CREB5: variants seen among roughly 807,000 people sequenced by gnomAD.
CREB5 encodes cAMP responsive element binding protein 5, also known as cyclic AMP-responsive element-binding protein 5.
CREB5 carries 19 observed loss-of-function variants against 57.1 expected under a neutral mutation model. The observed-to-expected ratio is 0.33, with a 90% CI of 0.23 to 0.49. The LOEUF is 0.49. Among genes scored for constraint, CREB5 ranks in the 20% least tolerant of loss-of-function variants. The probability of loss-of-function intolerance (pLI) is 0.99; values close to 1 mark genes in which losing one functional copy is unlikely to be tolerated. For synonymous variants in CREB5, 238 were observed against 238.3 expected (o/e 1.00, Z 0.01); for missense variants, 579 against 671.6 (o/e 0.86, Z 1.52).
Position 28,446,244 on chromosome 7 carries a change from C to T in CREB5, c.3+33327C>T, listed in dbSNP as rs995880812. 2.6e-5 allele frequency among the ~76,000 whole-genome samples: 4 copies of T among 152,138 alleles called. No homozygotes were observed. In the East Asian group the frequency reaches 7.7e-4, roughly 29 times the overall value. The stretch of plus-strand genomic sequence containing the variant: ...TCCCCCACACTCATCTCCTGCCTCC[C>T]CAGCTCCAGGAAGCTATACACAAAC... On this transcript the variant is annotated intron_variant, in intron 1 of 10. Transcript: ENST00000357727.
chr7:28,550,473 T>C (rs1454888570), intron 4 of CREB5, among the ~76,000 whole-genome samples: 1 of 152,218 alleles, frequency 6.6e-6, no homozygotes, highest in African/African-American at 2.4e-5. Flanking sequence ...ATGGCCACCA[T>C]TGCCAATTCC....
intron 5 of CREB5, among the ~76,000 whole-genome samples, chr7:28,663,968 C>T (rs979575116): frequency 2.0e-5 from 3 of 152,198 alleles, no homozygotes; most frequent in African/African-American, 7.2e-5. Flanking sequence ...GCTTCTCAAA[C>T]TTAGCATGCA....
At chr7:28,744,892 A>G (rs1225815117) in intron 7 of CREB5, among the ~76,000 whole-genome samples, 1 of 152,234 alleles carries the variant, frequency 6.6e-6, no homozygotes, top group Non-Finnish European at 1.5e-5. Flanking sequence ...AAGGATCTGT[A>G]AAGCCTAACT....
intron 1 of CREB5, among the ~76,000 whole-genome samples, chr7:28,456,285 A>T (rs1790091250): frequency 1.3e-5 from 2 of 152,196 alleles, no homozygotes; most frequent in Admixed American, 6.5e-5. Context: ...AGTGCAAGTT[A>T]CAAATCTGTG....
At position 28,723,065 on chromosome 7, in the gene CREB5, A is replaced by G. The variant is rs77668861; in HGVS notation, c.592-1157A>G. Among the ~76,000 whole-genome samples, 1,424 of 152,140 alleles carry G rather than the reference A, an allele frequency of 9.4e-3. 35 individuals are homozygous for G. The highest frequency in any genetic ancestry group is 0.032 in the African/African-American group (1,328 of 41,500). On this transcript the variant is annotated intron_variant, in intron 6 of 10. Coordinates refer to ENST00000357727, the MANE Select transcript of CREB5 (RefSeq NM_182898.4). ...CTTTGAACACCTCCAATAGCAAGCA[A>G]CTCCGTATTTTCCAAGACTACCTAG...
intron 7 of CREB5, among the ~76,000 whole-genome samples, chr7:28,737,538 CGTATATATATATATATATATAT>C (rs1398919992): frequency 4.1e-3 from 197 of 47,920 alleles, no homozygotes; most frequent in Middle Eastern, 0.014. Context: ...TATATATATA[CGTATATATATATATATATATAT>C]ATATATATAT....
chr7:28,822,474 T>C lies in CREB5; in HGVS notation c.*3195T>C, dbSNP rs1227816994. On this transcript the variant is annotated 3_prime_UTR_variant, in exon 11 of 11. Coordinates refer to ENST00000357727, the MANE Select transcript of CREB5 (RefSeq NM_182898.4). ...AGCCAGTTACTGGGTCACCCATCCA[T>C]GTGTTCATGAATCAATCATCACGGC... is the stretch of plus-strand genomic sequence containing the variant. 6.6e-6 allele frequency: 1 copy of C among 152,662 alleles called. No individual in the cohort carries two copies. Among genetic ancestry groups the C allele is most frequent in the Non-Finnish European group, 1.5e-5 (1 of 68,084 alleles). The allele number at this position is 152,662 out of a possible 1,614,324, so 9.5% of individuals were successfully genotyped here.
Position 28,822,098 on chromosome 7 carries a change from G to GT in CREB5, c.*2825dup, listed in dbSNP as rs1402843083. On this transcript the variant is annotated 3_prime_UTR_variant, in exon 11 of 11. Transcript: ENST00000357727. ...CATTATATATAGCTCAATTATGTCTGTTTTTTATGCTAAGTAGGAAAACCA... is the reference window on the plus strand; with the variant it reads ...CATTATATATAGCTCAATTATGTCTGTTTTTTTATGCTAAGTAGGAAAACCA... 6.6e-6 allele frequency: 1 copy of GT among 152,256 alleles called. No homozygotes were observed. Among genetic ancestry groups the GT allele is most frequent in the African/African-American group, 2.4e-5 (1 of 41,444 alleles). The allele number at this position is 152,256 out of a possible 1,614,324, so 9.4% of individuals were successfully genotyped here. A position where few individuals can be genotyped will look rare whatever the true frequency, so the allele number is the denominator to read the frequency against.
At chr7:28,430,475 C>A (rs2128016837) in intron 1 of CREB5, among the ~76,000 whole-genome samples, 1 of 152,206 alleles carries the variant, frequency 6.6e-6, no homozygotes, top group Non-Finnish European at 1.5e-5. Flanking sequence ...AGTCGATGGC[C>A]ATGAATGTGA....
chr7:28,361,176 A>G (rs1786470190), intron 1 of CREB5, among the ~76,000 whole-genome samples: 1 of 152,162 alleles, frequency 6.6e-6, no homozygotes, highest in Non-Finnish European at 1.5e-5. Flanking sequence ...TATTGCACGG[A>G]GGTTGAATAA....
intron 1 of CREB5, among the ~76,000 whole-genome samples, chr7:28,323,180 C>A (rs753558689): frequency 1.4e-4 from 21 of 152,156 alleles, no homozygotes; most frequent in Admixed American, 2.6e-4. Context: ...CTGGGAGAGC[C>A]CCAATCCTGG....
intron 6 of CREB5, among the ~76,000 whole-genome samples, chr7:28,723,683 C>T (rs376351986): frequency 3.0e-4 from 46 of 152,208 alleles, no homozygotes; most frequent in African/African-American, 1.1e-3. Flanking sequence ...GAGAGTGTTG[C>T]TTTTAAAACT....
At chr7:28,357,188 C>T (rs1472811473) in intron 1 of CREB5, among the ~76,000 whole-genome samples, 3 of 152,164 alleles carry the variant, frequency 2.0e-5, no homozygotes, top group African/African-American at 7.2e-5. Context: ...GTGTTGCTGG[C>T]TTCTTAAATC....
At chr7:28,616,509 A>G (rs1389642096) in intron 5 of CREB5, among the ~76,000 whole-genome samples, 1 of 152,058 alleles carries the variant, frequency 6.6e-6, no homozygotes, top group Non-Finnish European at 1.5e-5. Flanking sequence ...ACTATAGGAA[A>G]TAAAACCTCA....
chr7:28,463,221 C>T (rs768582186), intron 1 of CREB5, among the ~76,000 whole-genome samples: 3 of 152,036 alleles, frequency 2.0e-5, no homozygotes, highest in Non-Finnish European at 4.4e-5. Flanking sequence ...TGGCATCCTT[C>T]TTGAAAATCT....
chr7:28,320,553 A>G (rs1300949790), intron 1 of CREB5, among the ~76,000 whole-genome samples: 1 of 152,190 alleles, frequency 6.6e-6, no homozygotes, highest in African/African-American at 2.4e-5. Context: ...CCTGTGTTAC[A>G]TAAAGATCTA....
At chr7:28,406,227 G>A (rs978610849) in intron 1 of CREB5, among the ~76,000 whole-genome samples, 2 of 152,196 alleles carry the variant, frequency 1.3e-5, no homozygotes, top group African/African-American at 4.8e-5. Context: ...GGCTGTAAAT[G>A]TCTTAAAATA....
intron 1 of CREB5, among the ~76,000 whole-genome samples, chr7:28,398,446 T>G (rs1157297756): frequency 6.6e-6 from 1 of 152,200 alleles, no homozygotes; most frequent in African/African-American, 2.4e-5. Context: ...GATGTTGTGC[T>G]AAGCTGATGA....
chr7:28,521,058 T>C (rs1793184589), intron 4 of CREB5, among the ~76,000 whole-genome samples: 1 of 152,200 alleles, frequency 6.6e-6, no homozygotes, highest in Non-Finnish European at 1.5e-5. Context: ...CAGTCTCTCC[T>C]TAAGAGGTAC....
Sources: gnomAD v4.1 joint callset for allele counts (sites outside exome capture counted in the v4.1 genomes callset) on GRCh38, gnomAD v4.1.1 for gene constraint, MANE v1.5 for transcripts, NCBI Gene and HGNC (gene_info 2026-07-23, HGNC 2026-07-21) for gene names.